ZFHX3: variants seen among roughly 807,000 people sequenced by gnomAD.
ZFHX3 encodes zinc finger homeobox 3.
In ZFHX3, 42 loss-of-function variants were observed where a neutral mutation model predicts 279.1. That is an observed-to-expected ratio of 0.15 (90% CI 0.12 to 0.19). The LOEUF is 0.19. Ranked by LOEUF, ZFHX3 falls within the 10% of genes least tolerant of loss-of-function variation. The pLI is 1.00. For synonymous variants in ZFHX3, 2,293 were observed against 1,957.8 expected (o/e 1.17, Z -4.52); for missense variants, 4,981 against 4,754.0 (o/e 1.05, Z -1.40).
At chr16:72,834,665 C>G (rs2037141580) in intron 4 of ZFHX3, among the ~76,000 whole-genome samples, 3 of 152,062 alleles carry the variant, frequency 2.0e-5, no homozygotes. Flanking sequence ...TATGAACAAC[C>G]TGGAAATTGG....
At chr16:73,008,993 G>C (rs1325230143) in intron 1 of ZFHX3, among the ~76,000 whole-genome samples, 1 of 151,882 alleles carries the variant, frequency 6.6e-6, no homozygotes, top group African/African-American at 2.4e-5. Flanking sequence ...GGGCTATTTT[G>C]AAACCTAAAT....
Position 72,959,303 on chromosome 16 carries a change from G to C in ZFHX3, c.843C>G (p.Ile281Met). Residue 281 changes from isoleucine to methionine, a missense_variant, in exon 2 of 10, where the codon ATC becomes ATG. Coordinates refer to ENST00000268489, the MANE Select transcript of ZFHX3 (RefSeq NM_006885.4). ...GFVLYGKRKP[I>M]LMCFLCKLSF... The stretch of plus-strand genomic sequence containing the variant: ...AGAGTTTGCACAAGAAACACATCAG[G>C]ATGGGCTTCCTCTTGCCATAGAGCA... The C allele has an allele frequency of 6.2e-7, 1 of 1,614,244 alleles. No homozygotes were observed. Among genetic ancestry groups the C allele is most frequent in the Non-Finnish European group, 8.5e-7 (1 of 1,180,052 alleles).
intron 1 of ZFHX3, among the ~76,000 whole-genome samples, chr16:72,992,339 C>T (rs1358667330): frequency 6.6e-6 from 1 of 152,156 alleles, no homozygotes; most frequent in East Asian, 1.9e-4. Context: ...AGCCAGCTTC[C>T]CTGCCTTCCC....
In ZFHX3 at chr16:73,596,798, T is replaced by C. The variant is rs1028394383; in HGVS notation, c.-1547+83382A>G. Reference sequence around the variant, plus strand: ...GGTAAGGAACGTCACTATAACTCACTATGCTATTTCAGATCTGCTATAGTC... The same window carrying C: ...GGTAAGGAACGTCACTATAACTCACCATGCTATTTCAGATCTGCTATAGTC... On this transcript the variant is annotated intron_variant, in intron 2 of 17. Coordinates refer to the ZFHX3 transcript ENST00000641206. Among the ~76,000 whole-genome samples, 3 of 152,198 alleles carry C rather than the reference T, an allele frequency of 2.0e-5. No individual in the cohort carries two copies. In the East Asian group the frequency reaches 5.8e-4, roughly 29 times the overall value.
intron 2 of ZFHX3, chr16:73,483,386 G>T (rs1281475986): frequency 2.2e-6 from 1 of 455,624 alleles, no homozygotes; most frequent in Non-Finnish European, 4.4e-6. Flanking sequence ...AAGAGAGCCG[G>T]GAGCCAGGGT....
chr16:73,278,594 T>TG (rs1010053613), intron 4 of ZFHX3, among the ~76,000 whole-genome samples: 5 of 152,244 alleles, frequency 3.3e-5, no homozygotes, highest in Admixed American at 6.5e-5. Context: ...AGGTGCTGGC[T>TG]GGGGTGGCCA....
intron 1 of ZFHX3, among the ~76,000 whole-genome samples, chr16:73,727,272 G>A (rs1446760574): frequency 1.3e-5 from 2 of 152,206 alleles, no homozygotes; most frequent in Admixed American, 6.5e-5. Flanking sequence ...AGCCTCCAGA[G>A]ACAGCAGGCA....
intron 1 of ZFHX3, among the ~76,000 whole-genome samples, chr16:73,798,784 T>G (rs1381981810): frequency 6.6e-6 from 1 of 152,140 alleles, no homozygotes; most frequent in African/African-American, 2.4e-5. Flanking sequence ...CCTTTGGAAA[T>G]GTACAGAAAC....
At chr16:73,072,444 CAAAAA>C (rs71156138) in intron 8 of ZFHX3, among the ~76,000 whole-genome samples, 5 of 97,750 alleles carry the variant, frequency 5.1e-5, no homozygotes, top group Admixed American at 9.9e-5. Context: ...AACTCCGTCT[CAAAAA>C]AAAAAAAAAA....
chr16:73,738,676 A>G (rs1418006363), intron 1 of ZFHX3, among the ~76,000 whole-genome samples: 1 of 152,180 alleles, frequency 6.6e-6, no homozygotes, highest in Non-Finnish European at 1.5e-5. Flanking sequence ...ACCAGACATA[A>G]TGTAGAACTC....
At chr16:73,034,822 G>A (rs532007530) in intron 1 of ZFHX3, among the ~76,000 whole-genome samples, 1 of 152,304 alleles carries the variant, frequency 6.6e-6, no homozygotes, top group Admixed American at 6.5e-5. Flanking sequence ...GCAGTTTACA[G>A]AACACTGGCA....
At chr16:73,439,909 C>CAGAAAAAAAAAAA (rs2018057457) in intron 3 of ZFHX3, among the ~76,000 whole-genome samples, 1 of 75,444 alleles carries the variant, frequency 1.3e-5, no homozygotes, top group Non-Finnish European at 2.2e-5. Flanking sequence ...GGGAGAGGGA[C>CAGAAAAAAAAAAA]AAAAAAAAAA....
At chr16:73,430,312 C>T (rs1202082133) in intron 3 of ZFHX3, among the ~76,000 whole-genome samples, 1 of 151,990 alleles carries the variant, frequency 6.6e-6, no homozygotes, top group African/African-American at 2.4e-5. Context: ...TAAAGAATGC[C>T]CTAAATATTG....
At chr16:73,288,928 C>A (rs146484307) in intron 4 of ZFHX3, among the ~76,000 whole-genome samples, 3,173 of 149,990 alleles carry the variant, frequency 0.021, 40 homozygotes, top group Non-Finnish European at 0.033. Flanking sequence ...CTATTATCTT[C>A]AAGGGGAAAA....
intron 3 of ZFHX3, among the ~76,000 whole-genome samples, chr16:73,385,372 G>A (rs1167680624): frequency 4.6e-5 from 7 of 152,140 alleles, no homozygotes; most frequent in Admixed American, 3.3e-4. Flanking sequence ...ACACATTTTG[G>A]CACATCTGCA....
At chr16:73,675,732 T>C (rs1328610893) in intron 2 of ZFHX3, among the ~76,000 whole-genome samples, 1 of 152,052 alleles carries the variant, frequency 6.6e-6, no homozygotes, top group East Asian at 1.9e-4. Flanking sequence ...GGCAAACTCA[T>C]ACCTGGATCT....
chr16:73,258,918 A>G (rs576364678), intron 4 of ZFHX3, among the ~76,000 whole-genome samples: 1 of 152,316 alleles, frequency 6.6e-6, no homozygotes, highest in South Asian at 2.1e-4. Flanking sequence ...CATGTACCTG[A>G]GTAGTCTCAT....
intron 5 of ZFHX3, among the ~76,000 whole-genome samples, chr16:73,166,960 C>T (rs1019575310): frequency 9.2e-5 from 14 of 152,204 alleles, no homozygotes; most frequent in African/African-American, 3.4e-4. Flanking sequence ...ACACAACACA[C>T]AGCATCCTCC....
chr16:73,465,292 T>C (rs1724930521), intron 2 of ZFHX3, among the ~76,000 whole-genome samples: 2 of 152,336 alleles, frequency 1.3e-5, no homozygotes, highest in South Asian at 4.1e-4. Context: ...AAAATCTAGA[T>C]GGAGGGTCTG....
Sources: allele counts gnomAD v4.1 joint callset (sites outside exome capture counted in the v4.1 genomes callset), GRCh38; gene constraint gnomAD v4.1.1; transcripts MANE v1.5; gene names NCBI Gene and HGNC (gene_info 2026-07-23, HGNC 2026-07-21).